Variants in PAPPA2 observed in about 807,000 individuals in gnomAD.
PAPPA2 encodes pappalysin 2.
A neutral mutation model predicts 176.4 loss-of-function variants in PAPPA2; 86 were observed. That is an observed-to-expected ratio of 0.49 (90% CI 0.41 to 0.58). The LOEUF is 0.58. Ranked by LOEUF, PAPPA2 falls within the 20% of genes least tolerant of loss-of-function variation. The probability of loss-of-function intolerance (pLI) is 0.00; values close to 1 mark genes in which losing one functional copy is unlikely to be tolerated. For missense variants in PAPPA2, 2,073 were observed against 2,256.9 expected (o/e 0.92, Z 1.65); for synonymous variants, 809 against 852.2 (o/e 0.95, Z 0.88).
chr1:176,617,989 G>A (rs1655367626), intron 3 of PAPPA2, among the ~76,000 whole-genome samples: 1 of 152,188 alleles, frequency 6.6e-6, no homozygotes, highest in Admixed American at 6.5e-5. Context: ...CTCAGTAAAG[G>A]AAGGTTGAGG....
chr1:176,609,196 T>C (rs1245378591), intron 3 of PAPPA2, among the ~76,000 whole-genome samples: 1 of 152,240 alleles, frequency 6.6e-6, no homozygotes, highest in Non-Finnish European at 1.5e-5. Context: ...ATTATGGTTT[T>C]TGCTCCAGCG....
At chr1:176,779,822 G>A (rs984160355) in intron 17 of PAPPA2, among the ~76,000 whole-genome samples, 1 of 152,142 alleles carries the variant, frequency 6.6e-6, no homozygotes, top group African/African-American at 2.4e-5. Context: ...TTTCAGCCAC[G>A]CTGCTACACA....
intron 1 of PAPPA2, among the ~76,000 whole-genome samples, chr1:176,532,626 C>T (rs1020378307): frequency 1.3e-5 from 2 of 152,186 alleles, no homozygotes; most frequent in Admixed American, 6.5e-5. Context: ...ACAACAAGGG[C>T]CAAAAGGCAA....
chr1:176,484,412 C>G (rs1652556746), intron 1 of PAPPA2, among the ~76,000 whole-genome samples: 1 of 152,098 alleles, frequency 6.6e-6, no homozygotes, highest in South Asian at 2.1e-4. Flanking sequence ...GGGGAAATTA[C>G]CAGTCAGTCT....
chr1:176,537,782 A>G (rs1650149609), intron 1 of PAPPA2, among the ~76,000 whole-genome samples: 1 of 147,674 alleles, frequency 6.8e-6, no homozygotes, highest in Non-Finnish European at 1.5e-5. Flanking sequence ...TAACGCTGTG[A>G]CCTCTGGGAC....
At chr1:176,474,163 T>C (rs894190572) in intron 1 of PAPPA2, among the ~76,000 whole-genome samples, 2 of 152,248 alleles carry the variant, frequency 1.3e-5, no homozygotes, top group Admixed American at 1.3e-4. Context: ...GGTCATGTTA[T>C]GATGCAGTAA....
chr1:176,833,137 T>A (rs1240869405), intron 21 of PAPPA2, among the ~76,000 whole-genome samples: 2 of 152,238 alleles, frequency 1.3e-5, no homozygotes, highest in Non-Finnish European at 2.9e-5. Context: ...TTCTCATCTC[T>A]TGTTTGTAGA....
chr1:176,594,815 G>C lies in PAPPA2; in HGVS notation c.1211G>C (p.Arg404Pro). 1 of 1,614,220 alleles carries C rather than the reference G, an allele frequency of 6.2e-7. No homozygotes were observed. Among genetic ancestry groups the C allele is most frequent in the Non-Finnish European group, 8.5e-7 (1 of 1,180,042 alleles). The stretch of plus-strand genomic sequence containing the variant: ...AACAGCCCCTTCATGGCATCTTGCC[G>C]CTCTTTGCTCCTGGGGGGAGACAGC... ...PLNSPFMASCRSLLLGGDSSE... is the reference protein window; with the variant it reads ...PLNSPFMASCPSLLLGGDSSE... Residue 404 changes from arginine (R) to proline (P), a missense_variant, in exon 3 of 23, where the codon CGC (arginine) becomes CCC (proline). By Grantham distance (103) the Arg-to-Pro change is moderately radical. Coordinates refer to ENST00000367662, the MANE Select transcript of PAPPA2 (RefSeq NM_020318.3).
At chr1:176,521,107 A>T (rs35370171) in intron 1 of PAPPA2, among the ~76,000 whole-genome samples, 1 of 131,626 alleles carries the variant, frequency 7.6e-6, no homozygotes, top group South Asian at 2.5e-4. Context: ...AGAAAGAGAG[A>T]CAGAGACAGA....
intron 1 of PAPPA2, among the ~76,000 whole-genome samples, chr1:176,500,876 G>A (rs903137511): frequency 1.3e-5 from 2 of 151,816 alleles, no homozygotes; most frequent in Non-Finnish European, 2.9e-5. Flanking sequence ...TTAAAATATT[G>A]ACTAATATGT....
At chr1:176,808,144 T>TAA (rs60910493) in intron 21 of PAPPA2, among the ~76,000 whole-genome samples, 4 of 147,994 alleles carry the variant, frequency 2.7e-5, no homozygotes, top group African/African-American at 9.8e-5. Flanking sequence ...GCTTATAGTG[T>TAA]AAAAAAAAAA....
At chr1:176,686,011 G>A (rs1659819501) in intron 4 of PAPPA2, among the ~76,000 whole-genome samples, 1 of 152,120 alleles carries the variant, frequency 6.6e-6, no homozygotes, top group Admixed American at 6.5e-5. Context: ...TTAATAATGT[G>A]AGTATGTGTG....
At chr1:176,752,467 T>A (rs1663231544) in intron 14 of PAPPA2, among the ~76,000 whole-genome samples, 1 of 152,032 alleles carries the variant, frequency 6.6e-6, no homozygotes, top group South Asian at 2.1e-4. Flanking sequence ...TTAACATACC[T>A]GCCTTGCTTT....
At chr1:176,705,208 T>G (rs1191251103) in intron 9 of PAPPA2, among the ~76,000 whole-genome samples, 1 of 152,192 alleles carries the variant, frequency 6.6e-6, no homozygotes, top group Admixed American at 6.5e-5. Context: ...TGAACCACAT[T>G]GCATTTATAT....
In PAPPA2 at chr1:176,695,659, A is replaced by G. The variant is rs1571187917; in HGVS notation, c.2625-79A>G. 2.6e-6 allele frequency: 4 copies of G among 1,515,652 alleles called. No homozygotes were observed. In the African/African-American group the frequency reaches 4.1e-5, roughly 16 times the overall value. 93.9% of individuals were successfully genotyped at this position (1,515,652 alleles called of 1,614,324 possible). Reference sequence around the variant, plus strand: ...CATCAACCCCTGCCCTCCCCACACAAAGGTCTTTCTAATTTTCTTATCCCA... The same window carrying G: ...CATCAACCCCTGCCCTCCCCACACAGAGGTCTTTCTAATTTTCTTATCCCA... On this transcript the variant is annotated intron_variant, in intron 6 of 22. Coordinates refer to ENST00000367662, the MANE Select transcript of PAPPA2 (RefSeq NM_020318.3).
rs757695008 is a variant in PAPPA2, at chr1:176,499,574, G to C, written c.-917+36156G>C. The stretch of plus-strand genomic sequence containing the variant: ...CTCTACTTCTGTGGAGTGTATTTAT[G>C]ATCTCCTGAGTTTGACTTCTAGCCC... On this transcript the variant is annotated intron_variant, in intron 1 of 22. Coordinates refer to ENST00000367662, the MANE Select transcript of PAPPA2 (RefSeq NM_020318.3). Among the ~76,000 whole-genome samples the C allele has an allele frequency of 2.1e-4, 32 of 152,120 alleles. 1 individual carries two copies. The highest frequency in any genetic ancestry group is 7.4e-5 in the Non-Finnish European group (5 of 68,012).
chr1:176,497,831 G>T (rs994882875), intron 1 of PAPPA2, among the ~76,000 whole-genome samples: 1 of 152,108 alleles, frequency 6.6e-6, no homozygotes, highest in Admixed American at 6.6e-5. Context: ...TCAACATCTG[G>T]TTAGCTCCCT....
At chr1:176,652,477 G>A (rs1225856326) in intron 3 of PAPPA2, among the ~76,000 whole-genome samples, 2 of 151,670 alleles carry the variant, frequency 1.3e-5, no homozygotes, top group African/African-American at 2.4e-5. Context: ...AGGTCCTAAA[G>A]GGGATATACC....
intron 1 of PAPPA2, among the ~76,000 whole-genome samples, chr1:176,470,336 A>G (rs1651814274): frequency 6.6e-6 from 1 of 152,176 alleles, no homozygotes; most frequent in South Asian, 2.1e-4. Context: ...CCACATTGAC[A>G]AAAAGGTAAG....
Sources: gnomAD v4.1 joint callset for allele counts (sites outside exome capture counted in the v4.1 genomes callset) on GRCh38, gnomAD v4.1.1 for gene constraint, MANE v1.5 for transcripts, NCBI Gene and HGNC (gene_info 2026-07-23, HGNC 2026-07-21) for gene names.